Variants in KLHL40 observed in about 807,000 individuals in gnomAD.
KLHL40 encodes kelch-like protein 40.
A neutral mutation model predicts 49.7 loss-of-function variants in KLHL40; 44 were observed. The ratio of observed to expected loss-of-function variants is 0.89; its 90% CI spans 0.70 to 1.14. The LOEUF (loss-of-function observed/expected upper bound fraction) is 1.14. Ranked by LOEUF, KLHL40 falls within the 50% of genes most tolerant of loss-of-function variation. The probability of loss-of-function intolerance (pLI) is 0.00; values close to 1 mark genes in which losing one functional copy is unlikely to be tolerated. For synonymous variants in KLHL40, 409 were observed against 365.2 expected (o/e 1.12, Z -1.37); for missense variants, 892 against 850.3 (o/e 1.05, Z -0.61).
At position 42,688,595 on chromosome 3, in the gene KLHL40, TC is replaced by T; in HGVS notation, c.1314-12del. Reference sequence around the variant, plus strand: ...GATGGGTGCCCTCCCCCACCCCCACTCCCGTCTCCTCCAGGTCATTCAAATG... The same window carrying T: ...GATGGGTGCCCTCCCCCACCCCCACTCCGTCTCCTCCAGGTCATTCAAATG... On this transcript the variant is annotated splice_polypyrimidine_tract_variant and intron_variant, in intron 2 of 5. Transcript: ENST00000287777. The surrounding 1 kb of genome is among the most constrained non-coding windows in gnomAD (Gnocchi z 4.2). The T allele has an allele frequency of 6.3e-7, 1 of 1,599,848 alleles. No individual in the cohort carries two copies. The highest frequency in any genetic ancestry group is 1.7e-4 in the Middle Eastern group (1 of 6,040).
chr3:42,685,552 C>T lies in KLHL40; in HGVS notation c.-67C>T. 6.8e-7 allele frequency: 1 copy of T among 1,472,114 alleles called. No homozygotes were observed. 91.2% of individuals were successfully genotyped at this position (1,472,114 alleles called of 1,614,324 possible). A position where few individuals can be genotyped will look rare whatever the true frequency, so the allele number is the denominator to read the frequency against. ...ACAGCTGCTCAGTCTAAGCAAACCC[C>T]AGCAGGAAAGCAGGGGTACAGAGAG... On this transcript the variant is annotated 5_prime_UTR_variant, in exon 1 of 6. Coordinates refer to ENST00000287777, the MANE Select transcript of KLHL40 (RefSeq NM_152393.4).
rs927931857 is a variant in KLHL40, at chr3:42,686,526, C to A, written c.908C>A (p.Pro303His). The A allele has an allele frequency of 6.2e-7, 1 of 1,614,176 alleles. No homozygotes were observed. Among genetic ancestry groups the A allele is most frequent in the African/African-American group, 1.3e-5 (1 of 75,052 alleles). The change falls in exon 1 of 6, where the codon CCT becomes CAT. Residue 303 changes from proline (P) to histidine (H), a missense_variant. By Grantham distance (77) the Pro-to-His change is moderately conservative. Coordinates refer to ENST00000287777, the MANE Select transcript of KLHL40 (RefSeq NM_152393.4). ...EEDEEAERIL[P>H]GILNDTLRFG... ...GATGAGGAGGCCGAACGTATCCTTC[C>A]TGGGATCCTCAATGACACCCTGCGC... is the stretch of plus-strand genomic sequence containing the variant.
At position 42,691,914 on chromosome 3, in the gene KLHL40, T is replaced by A. The variant is rs1455839246; in HGVS notation, c.1787T>A (p.Val596Asp). Residue 596 changes from valine (V) to aspartate (D), a missense_variant, in exon 6 of 6, where the codon GTC becomes GAC. Coordinates refer to ENST00000287777, the MANE Select transcript of KLHL40 (RefSeq NM_152393.4). ...YNEEEKKWEG[V>D]LREIAYAAGA... Reference sequence around the variant, plus strand: ...GAGGAGGAGAAGAAATGGGAGGGTGTCCTGCGGGAGATCGCCTATGCAGCA... The same window carrying A: ...GAGGAGGAGAAGAAATGGGAGGGTGACCTGCGGGAGATCGCCTATGCAGCA... The A allele has an allele frequency of 4.3e-6, 7 of 1,613,538 alleles. No homozygotes were observed. The highest frequency in any genetic ancestry group is 5.9e-6 in the Non-Finnish European group (7 of 1,179,466).
In KLHL40 at chr3:42,685,934, G is replaced by A. The variant is rs540346444; in HGVS notation, c.316G>A (p.Ala106Thr). The stretch of plus-strand genomic sequence containing the variant: ...TGAGGCGAGCGTGCAGGATTTGTTC[G>A]CCGCGGCACACCGCTTCCAGATCCC... ...LDEASVQDLF[A>T]AAHRFQIPSI... The change falls in exon 1 of 6, where the codon GCC (alanine) becomes ACC (threonine). Residue 106 changes from alanine to threonine, a missense_variant. Ala to Thr is a moderately conservative substitution (Grantham distance 58, BLOSUM62 0). Transcript: ENST00000287777. The A allele has an allele frequency of 1.4e-5, 22 of 1,611,636 alleles. No individual in the cohort carries two copies. The East Asian group carries it at 4.0e-4, about 29-fold the overall frequency.
intron 5 of KLHL40, 70 bp downstream of exon 5, chr3:42,691,075 G>T (rs901483014): frequency 2.0e-6 from 3 of 1,485,226 alleles, no homozygotes; most frequent in East Asian, 2.3e-5. Context: ...CCATGGTGGG[G>T]TACCAAGGCA....
intron 1 of KLHL40, 145 bp downstream of exon 1, chr3:42,686,915 G>C (rs979413467): frequency 4.4e-6 from 3 of 686,776 alleles, no homozygotes; most frequent in Non-Finnish European, 7.4e-6. Context: ...TTGACTGATA[G>C]CCACCTACTT....
intron 4 of KLHL40, among the ~76,000 whole-genome samples, chr3:42,689,837 A>G (rs181103162): frequency 7.2e-4 from 110 of 152,176 alleles, no homozygotes; most frequent in African/African-American, 2.6e-3. Context: ...CGGTATGCGG[A>G]GGGCTGAAAG....
rs771203108 is a variant in KLHL40, at chr3:42,686,729, G to A, written c.1111G>A (p.Glu371Lys). ...CGTGGCTGGAGGCCTCTTCTACAAC[G>A]AAGACAACAAAGAGGACCCCATGAG... is the stretch of plus-strand genomic sequence containing the variant. Reference protein sequence around the residue: ...VFVAGGLFYNEDNKEDPMSAY... With the variant: ...VFVAGGLFYNKDNKEDPMSAY... Residue 371 changes from glutamate (E) to lysine (K), a missense_variant, in exon 1 of 6, where the codon GAA becomes AAA. By Grantham distance (56) the Glu-to-Lys change is moderately conservative. Coordinates refer to ENST00000287777, the MANE Select transcript of KLHL40 (RefSeq NM_152393.4). 5.6e-6 allele frequency: 9 copies of A among 1,613,070 alleles called. No individual in the cohort carries two copies. The highest frequency in any genetic ancestry group is 3.3e-4 in the Middle Eastern group (2 of 6,062).
At position 42,688,867 on chromosome 3, in the gene KLHL40, A is replaced by G; in HGVS notation, c.1422-2A>G. 6.2e-7 allele frequency: 1 copy of G among 1,613,144 alleles called. No homozygotes were observed. The highest frequency in any genetic ancestry group is 8.5e-7 in the Non-Finnish European group (1 of 1,179,232). On this transcript the variant is annotated splice_acceptor_variant, in intron 3 of 5. Transcript: ENST00000287777. LOFTEE classifies it high-confidence loss of function. This position sits in a 1 kb window ranked among gnomAD's most constrained non-coding sequence, Gnocchi z 4.2. ...CACCCATCCCCACCCTCCACCCCAC[A>G]GGAAGTGCCTGAACAAGATGTGCGT...
At position 42,687,308 on chromosome 3, in the gene KLHL40, C is replaced by G. The variant is rs777658214; in HGVS notation, c.1152+538C>G. 7.2e-5 allele frequency among the ~76,000 whole-genome samples: 11 copies of G among 152,214 alleles called. No homozygotes were observed. In the East Asian group the frequency reaches 2.1e-3, roughly 29 times the overall value. On this transcript the variant is annotated intron_variant, in intron 1 of 5. Coordinates refer to ENST00000287777, the MANE Select transcript of KLHL40 (RefSeq NM_152393.4). Reference sequence around the variant, plus strand: ...ACTGGCCATATAAGTTTGAGCCTTGCCAGTGGGGTGGGATTTGGAGATGTG... The same window carrying G: ...ACTGGCCATATAAGTTTGAGCCTTGGCAGTGGGGTGGGATTTGGAGATGTG...
Position 42,688,923 on chromosome 3 carries a change from G to T in KLHL40, c.1476G>T (p.Glu492Asp), listed in dbSNP as rs1575220570. The T allele has an allele frequency of 1.9e-6, 3 of 1,614,090 alleles. No homozygotes were observed. In the South Asian group the frequency reaches 3.3e-5, roughly 18 times the overall value. ...ACCCCAAGAAGTTTGAGTGGAAGGA[G>T]CTGGCACCCATGCAGACCGCCCGCT... ...VYDPKKFEWKELAPMQTARSL... is the reference protein window; with the variant it reads ...VYDPKKFEWKDLAPMQTARSL... The change falls in exon 4 of 6, where the codon GAG becomes GAT. Residue 492 changes from glutamate to aspartate, a missense_variant. Coordinates refer to ENST00000287777, the MANE Select transcript of KLHL40 (RefSeq NM_152393.4). This position sits in a 1 kb window ranked among gnomAD's most constrained non-coding sequence, Gnocchi z 4.2.
intron 1 of KLHL40, among the ~76,000 whole-genome samples, chr3:42,687,009 T>C (rs952625704): frequency 6.6e-6 from 1 of 152,222 alleles, no homozygotes; most frequent in Non-Finnish European, 1.5e-5. Context: ...TAGCCCCAAG[T>C]TGGCATATGT....
chr3:42,688,664 A>G lies in KLHL40; in HGVS notation c.1368A>G (p.Thr456=), dbSNP rs774328941. 7.4e-6 allele frequency: 12 copies of G among 1,613,924 alleles called. No homozygotes were observed. The African/African-American group carries it at 1.5e-4, about 20-fold the overall frequency. Residue 456 remains threonine (T), a synonymous_variant, in exon 3 of 6, where the codon ACA becomes ACG. Transcript: ENST00000287777. This position sits in a 1 kb window ranked among gnomAD's most constrained non-coding sequence, Gnocchi z 4.2. The part of the protein sequence containing the change: ...DPLPYVVYGH[T]VLSHMDLVYV... Reference sequence around the variant, plus strand: ...TGCCTTACGTGGTGTATGGCCACACAGTGCTCTCCCACATGGACCTTGTCT... The same window carrying G: ...TGCCTTACGTGGTGTATGGCCACACGGTGCTCTCCCACATGGACCTTGTCT...
chr3:42,688,570 G>C lies in KLHL40; in HGVS notation c.1314-40G>C, dbSNP rs1166531924. The C allele has an allele frequency of 6.8e-7, 1 of 1,466,640 alleles. No homozygotes were observed. The highest frequency in any genetic ancestry group is 9.5e-7 in the Non-Finnish European group (1 of 1,048,862). The allele number at this position is 1,466,640 out of a possible 1,614,324, so 90.9% of individuals were successfully genotyped here. On this transcript the variant is annotated intron_variant, in intron 2 of 5. Coordinates refer to ENST00000287777, the MANE Select transcript of KLHL40 (RefSeq NM_152393.4). The surrounding 1 kb of genome is among the most constrained non-coding windows in gnomAD (Gnocchi z 4.2). ...AGAGACAGGGACTGAGCCGAGCCTG[G>C]ATGGGTGCCCTCCCCCACCCCCACT...
At chr3:42,690,393 C>T (rs575558675) in intron 4 of KLHL40, among the ~76,000 whole-genome samples, 1 of 152,300 alleles carries the variant, frequency 6.6e-6, no homozygotes, top group South Asian at 2.1e-4. Flanking sequence ...GGGACTAAGG[C>T]CCAAGGCAGG....
At chr3:42,689,084 C>G in intron 4 of KLHL40, 30 bp downstream of exon 4, 1 of 1,583,010 alleles carries the variant, frequency 6.3e-7, no homozygotes, top group Non-Finnish European at 8.6e-7. Context: ...CCGCCAAGGA[C>G]AACTGCATGG....
rs149076152 is a variant in KLHL40, at chr3:42,688,193, C to T, written c.1204C>T (p.Arg402Cys). ...GGGGATGCCACCGCTGCCCTCGCCCCGCTGCCTCTTTGGCCTGGGAGAAGC... is the reference window on the plus strand; with the variant it reads ...GGGGATGCCACCGCTGCCCTCGCCCTGCTGCCTCTTTGGCCTGGGAGAAGC... The part of the protein sequence containing the change: ...WLGMPPLPSP[R>C]CLFGLGEALN... The change falls in exon 2 of 6, where the codon CGC becomes TGC. Residue 402 changes from arginine to cysteine, a missense_variant. Transcript: ENST00000287777. The surrounding 1 kb of genome is among the most constrained non-coding windows in gnomAD (Gnocchi z 4.2). 8.9e-5 allele frequency: 143 copies of T among 1,613,754 alleles called. No homozygotes were observed. Among genetic ancestry groups the T allele is most frequent in the Middle Eastern group, 4.9e-4 (3 of 6,084 alleles).
rs1484089290 is a variant in KLHL40 at position 42,686,071 on chromosome 3, T to C, written c.453T>C (p.Ala151=). Residue 151 remains alanine, a synonymous_variant, in exon 1 of 6, where the codon GCT becomes GCC. Coordinates refer to ENST00000287777, the MANE Select transcript of KLHL40 (RefSeq NM_152393.4). ...LLLDCARLAV[A]ARDFICAHFT... ...TCGACTGCGCGCGTCTCGCCGTGGC[T>C]GCCCGCGACTTCATCTGCGCTCACT... 1.9e-6 allele frequency: 3 copies of C among 1,604,066 alleles called. No individual in the cohort carries two copies. Among genetic ancestry groups the C allele is most frequent in the Non-Finnish European group, 2.5e-6 (3 of 1,179,884 alleles).
In KLHL40 at chr3:42,689,010, A is replaced by C; in HGVS notation, c.1563A>C (p.Thr521=). The change falls in exon 4 of 6, where the codon ACA becomes ACC. Residue 521 remains threonine (T), a synonymous_variant. Transcript: ENST00000287777. ...RIIVAAGVTD[T]GLTSSAEVYS... Reference sequence around the variant, plus strand: ...TCGTGGCAGCTGGGGTCACCGACACAGGGCTGACCAGTTCTGCCGAAGTGT... The same window carrying C: ...TCGTGGCAGCTGGGGTCACCGACACCGGGCTGACCAGTTCTGCCGAAGTGT... 1 of 1,614,148 alleles carries C rather than the reference A, an allele frequency of 6.2e-7. No individual in the cohort carries two copies. The highest frequency in any genetic ancestry group is 1.3e-5 in the African/African-American group (1 of 75,052).
Sources: gnomAD v4.1 joint callset for allele counts (sites outside exome capture counted in the v4.1 genomes callset) on GRCh38, gnomAD v4.1.1 for gene constraint, Gnocchi (gnomAD v3.1) non-coding constraint, MANE v1.5 for transcripts, NCBI Gene and HGNC (gene_info 2026-07-23, HGNC 2026-07-21) for gene names.